RNF130: variants seen among roughly 807,000 people sequenced by gnomAD.
RNF130 encodes ring finger protein 130.
In RNF130, 21 loss-of-function variants were observed where a neutral mutation model predicts 44.6. The observed-to-expected ratio is 0.47, with a 90% CI of 0.33 to 0.68. The LOEUF is 0.68. RNF130 is among the 30% of genes least tolerant of loss of function. The pLI is 0.02. For synonymous variants in RNF130, 214 were observed against 210.4 expected, an observed-to-expected ratio of 1.02 and a Z score of -0.15; for missense variants, 479 against 560.6, an observed-to-expected ratio of 0.85 and a Z score of 1.47.
At position 179,966,895 on chromosome 5, in the gene RNF130, A is replaced by G. The variant is rs371411209; in HGVS notation, c.1061T>C (p.Leu354Pro). The part of the protein sequence containing the change: ...GDLAGDNSLG[L>P]EPLRTSGISP... ...GATCCCCGAAGTTCGAAGTGGCTCA[A>G]GGCCAAGGGAGTTGTCGCCGGCGAG... The change falls in exon 7 of 9, where the codon CTT becomes CCT. Residue 354 changes from leucine (L) to proline (P), a missense_variant. Physicochemically the swap from Leu to Pro is moderately conservative, Grantham distance 98. Transcript: ENST00000521389. 7 of 1,614,230 alleles carry G rather than the reference A, an allele frequency of 4.3e-6. No individual in the cohort carries two copies. The highest frequency in any genetic ancestry group is 5.1e-6 in the Non-Finnish European group (6 of 1,180,040).
At chr5:180,043,597 C>A (rs1311965381) in intron 1 of RNF130, among the ~76,000 whole-genome samples, 3 of 152,048 alleles carry the variant, frequency 2.0e-5, no homozygotes, top group Admixed American at 2.0e-4. Context: ...CAGTAATATT[C>A]ATAATATTCT....
rs1455812877 is a variant in RNF130 at position 179,955,552 on chromosome 5, C to T, written c.*102G>A. 1.5e-5 allele frequency: 14 copies of T among 958,742 alleles called. No homozygotes were observed. In the African/African-American group the frequency reaches 2.0e-4, roughly 13 times the overall value. 59.4% of individuals were successfully genotyped at this position (958,742 alleles called of 1,614,324 possible). ...CAATTTTATGAAAAAATAAAATGTA[C>T]TAAAAATAAATGCTTGTGTGGCATG... On this transcript the variant is annotated 3_prime_UTR_variant, in exon 9 of 9. Transcript: ENST00000521389.
At position 179,993,197 on chromosome 5, in the gene RNF130, G is replaced by A. The variant is rs537562705; in HGVS notation, c.694-12997C>T. Among the ~76,000 whole-genome samples the A allele has an allele frequency of 7.9e-5, 12 of 152,336 alleles. No individual in the cohort carries two copies. In the East Asian group the frequency reaches 2.3e-3, roughly 29 times the overall value. ...ACGCAATAAACATACGTGTGCATGT[G>A]TCTTTATAGCAGCACGATTTATAGT... On this transcript the variant is annotated intron_variant, in intron 3 of 8. Coordinates refer to ENST00000521389, the MANE Select transcript of RNF130 (RefSeq NM_018434.6).
intron 4 of RNF130, among the ~76,000 whole-genome samples, chr5:179,978,684 A>ATG (rs1762766979): frequency 6.6e-6 from 1 of 152,160 alleles, no homozygotes; most frequent in Non-Finnish European, 1.5e-5. Flanking sequence ...GTTCACTTAA[A>ATG]CACACACCTA....
chr5:179,972,593 G>A (rs1269116970), intron 5 of RNF130, among the ~76,000 whole-genome samples: 1 of 152,130 alleles, frequency 6.6e-6, no homozygotes, highest in African/African-American at 2.4e-5. Flanking sequence ...GTATCCAGAT[G>A]AGGGTGGGGG....
chr5:179,988,892 G>A (rs1364363873), intron 3 of RNF130, among the ~76,000 whole-genome samples: 1 of 152,166 alleles, frequency 6.6e-6, no homozygotes, highest in East Asian at 1.9e-4. Context: ...TGTCTGTTAC[G>A]TCCATTTGGT....
At chr5:180,004,352 G>C (rs1313124171) in intron 3 of RNF130, among the ~76,000 whole-genome samples, 1 of 152,126 alleles carries the variant, frequency 6.6e-6, no homozygotes, top group Non-Finnish European at 1.5e-5. Context: ...ATCACACACA[G>C]AATGTTAGAA....
chr5:179,933,946 C>A, intron 7 of RNF130: 2 of 450,996 alleles, frequency 4.4e-6, no homozygotes, highest in Non-Finnish European at 8.1e-6. Flanking sequence ...TTTTCTAGAT[C>A]TTTGAGCTGC....
chr5:180,063,875 A>G (rs1230490305), intron 1 of RNF130, among the ~76,000 whole-genome samples: 2 of 152,234 alleles, frequency 1.3e-5, no homozygotes, highest in Non-Finnish European at 2.9e-5. Flanking sequence ...TTTGGAAGAC[A>G]GAGGAAAAAG....
intron 7 of RNF130, among the ~76,000 whole-genome samples, chr5:179,931,848 C>T (rs1284209079): frequency 2.0e-5 from 3 of 152,152 alleles, no homozygotes; most frequent in African/African-American, 7.2e-5. Context: ...ACCCCCGTGA[C>T]TGTAGAGTAC....
Position 180,069,787 on chromosome 5 carries a change from C to T in RNF130, c.247+1669G>A, listed in dbSNP as rs79532913. Among the ~76,000 whole-genome samples, 219 of 152,314 alleles carry T rather than the reference C, an allele frequency of 1.4e-3. 3 individuals are homozygous for T. The East Asian group carries it at 0.031, about 22-fold the overall frequency. Reference sequence around the variant, plus strand: ...AACCTTTAATCCTACAATGCTGCCTCCCCACTGAGAGGGGAACAGGACTAA... The same window carrying T: ...AACCTTTAATCCTACAATGCTGCCTTCCCACTGAGAGGGGAACAGGACTAA... On this transcript the variant is annotated intron_variant, in intron 1 of 8. Transcript: ENST00000521389.
At chr5:180,007,621 G>A (rs1232533530) in intron 3 of RNF130, among the ~76,000 whole-genome samples, 4 of 152,110 alleles carry the variant, frequency 2.6e-5, no homozygotes, top group Non-Finnish European at 4.4e-5. Context: ...ACGGAAGGAG[G>A]AAAAAAGGTC....
At chr5:179,962,502 C>G (rs1762355975) in intron 8 of RNF130, among the ~76,000 whole-genome samples, 1 of 152,280 alleles carries the variant, frequency 6.6e-6, no homozygotes, top group African/African-American at 2.4e-5. Flanking sequence ...CCACCCATAT[C>G]AACCTAGGTT....
At chr5:179,920,823 T>C (rs113691041) in intron 7 of RNF130, among the ~76,000 whole-genome samples, 6,026 of 149,886 alleles carry the variant, frequency 0.04, 401 homozygotes, top group African/African-American at 0.14. Flanking sequence ...GAGTTTTGCT[T>C]TTGTTGCCCA....
chr5:180,057,310 A>T lies in RNF130; in HGVS notation c.247+14146T>A, dbSNP rs180875185. ...ACGCCTGTAATCCCAGCACTTTGGGAGGCCGAGGCGGGAGGATCACCCGAG... is the reference window on the plus strand; with the variant it reads ...ACGCCTGTAATCCCAGCACTTTGGGTGGCCGAGGCGGGAGGATCACCCGAG... On this transcript the variant is annotated intron_variant, in intron 1 of 8. Coordinates refer to ENST00000521389, the MANE Select transcript of RNF130 (RefSeq NM_018434.6). 1.8e-4 allele frequency among the ~76,000 whole-genome samples: 28 copies of T among 152,344 alleles called. No homozygotes were observed. The East Asian group carries it at 3.3e-3, about 18-fold the overall frequency.
At chr5:179,932,377 C>A (rs1761821456) in intron 7 of RNF130, among the ~76,000 whole-genome samples, 1 of 152,020 alleles carries the variant, frequency 6.6e-6, no homozygotes, top group African/African-American at 2.4e-5. Context: ...CCTCCCTCAG[C>A]CTCCTGAGTA....
At chr5:180,004,470 T>C (rs1488270477) in intron 3 of RNF130, among the ~76,000 whole-genome samples, 4 of 152,310 alleles carry the variant, frequency 2.6e-5, no homozygotes, top group African/African-American at 9.6e-5. Context: ...ACTAGGACCA[T>C]AGATCTCCTT....
chr5:179,948,901 G>A (rs1342142604), intron 7 of RNF130, among the ~76,000 whole-genome samples: 1 of 152,020 alleles, frequency 6.6e-6, no homozygotes, highest in African/African-American at 2.4e-5. Flanking sequence ...TCCCGTGGAG[G>A]GTCTTCAGGT....
intron 7 of RNF130, among the ~76,000 whole-genome samples, chr5:179,942,992 C>T (rs1015701299): frequency 7.9e-5 from 12 of 152,084 alleles, no homozygotes; most frequent in African/African-American, 2.2e-4. Context: ...GTCAAGAGAT[C>T]GAGACCATCC....
Sources: allele counts gnomAD v4.1 joint callset (sites outside exome capture counted in the v4.1 genomes callset), GRCh38; gene constraint gnomAD v4.1.1; transcripts MANE v1.5; gene names NCBI Gene and HGNC (gene_info 2026-07-23, HGNC 2026-07-21).